COMMD9: variants seen among roughly 807,000 people sequenced by gnomAD.
COMMD9 encodes COMM domain-containing protein 9.
COMMD9 carries 22 observed loss-of-function variants against 23.4 expected under a neutral mutation model. The ratio of observed to expected loss-of-function variants is 0.94; its 90% CI spans 0.67 to 1.34. COMMD9 has a LOEUF of 1.34. Among genes scored for constraint, COMMD9 ranks in the 40% most tolerant of loss-of-function variants. COMMD9 has a pLI of 0.00. For missense variants in COMMD9, 231 were observed against 240.2 expected (o/e 0.96, Z 0.25); for synonymous variants, 99 against 97.4 (o/e 1.02, Z -0.10).
chr11:36,286,585 C>T (rs747080794), intron 1 of COMMD9, among the ~76,000 whole-genome samples: 1 of 151,646 alleles, frequency 6.6e-6, no homozygotes, highest in Non-Finnish European at 1.5e-5. Flanking sequence ...GGCCACAGAG[C>T]GAGACTCTCT....
At chr11:36,283,102 T>A (rs1335011303) in intron 1 of COMMD9, among the ~76,000 whole-genome samples, 1 of 152,198 alleles carries the variant, frequency 6.6e-6, no homozygotes, top group Admixed American at 6.5e-5. Flanking sequence ...CCCCAGCCAA[T>A]GGGATGGTAC....
intron 5 of COMMD9, 95 bp downstream of exon 5, chr11:36,276,042 T>C: frequency 1.2e-6 from 1 of 848,112 alleles, no homozygotes; most frequent in Admixed American, 2.1e-5. Context: ...TTTAAAAAAA[T>C]ATATGGGTTA....
At chr11:36,287,715 T>C (rs1336914093) in intron 1 of COMMD9, among the ~76,000 whole-genome samples, 1 of 151,996 alleles carries the variant, frequency 6.6e-6, no homozygotes, top group East Asian at 1.9e-4. Context: ...AAAAAAAAAG[T>C]ATATGCTGTA....
Position 36,274,775 on chromosome 11 carries a change from G to GA in COMMD9, c.457-4dup, listed in dbSNP as rs1457763650. ...CATAGGCTGGGATCTTCTTGGATCT[G>GA]AAACGAGAACACAGCCCAGAAAGTC... On this transcript the variant is annotated splice_region_variant and splice_polypyrimidine_tract_variant and intron_variant, in intron 5 of 5. Transcript: ENST00000263401. 1.2e-6 allele frequency: 2 copies of GA among 1,614,224 alleles called. No homozygotes were observed. Among genetic ancestry groups the GA allele is most frequent in the East Asian group, 4.5e-5 (2 of 44,896 alleles).
At chr11:36,288,827 T>C (rs1025466395) in intron 1 of COMMD9, among the ~76,000 whole-genome samples, 5 of 152,268 alleles carry the variant, frequency 3.3e-5, no homozygotes, top group African/African-American at 1.2e-4. Flanking sequence ...CATTTGAGCT[T>C]TACAAAGCCC....
At position 36,280,817 on chromosome 11, in the gene COMMD9, G is replaced by A. The variant is rs777310843; in HGVS notation, c.72C>T (p.Val24=). 5.7e-6 allele frequency: 9 copies of A among 1,591,806 alleles called. No homozygotes were observed. The highest frequency in any genetic ancestry group is 3.4e-4 in the Middle Eastern group (2 of 5,950). Residue 24 remains valine, a synonymous_variant, in exon 2 of 6, where the codon GTC becomes GTT. Transcript: ENST00000263401. ...SLLKASSKDV[V]RQLCQESFSS... ...AAAAGCTTTCTTGACACAGCTGTCT[G>A]ACAACATCTTTCGAGGAGGCCTATG...
chr11:36,286,410 A>AAAAAAAAAAAAAAAAAAAAG (rs1285648187), intron 1 of COMMD9, among the ~76,000 whole-genome samples: 2 of 104,822 alleles, frequency 1.9e-5, no homozygotes, highest in Non-Finnish European at 1.8e-5. Context: ...AAAAAAAAAA[A>AAAAAAAAAAAAAAAAAAAAG]AAAGAAAGAA....
At chr11:36,281,632 T>C (rs1389426128) in intron 1 of COMMD9, among the ~76,000 whole-genome samples, 1 of 152,180 alleles carries the variant, frequency 6.6e-6, no homozygotes, top group Non-Finnish European at 1.5e-5. Context: ...TTCCACCTGA[T>C]AGTAATGAGG....
Position 36,277,107 on chromosome 11 carries a change from C to T in COMMD9, c.334G>A (p.Glu112Lys), listed in dbSNP as rs116376270. 1,021 of 1,604,196 alleles carry T rather than the reference C, an allele frequency of 6.4e-4. 4 individuals carry two copies. The African/African-American group carries it at 0.011, about 17-fold the overall frequency. The stretch of plus-strand genomic sequence containing the variant: ...TACTCACTCTGATTTGCCTGGGCTT[C>T]GGTTCTCCAAGTAGACCTGTTTAAG... ...ILEHVSTWRTEAQANQISLPR... is the reference protein window; with the variant it reads ...ILEHVSTWRTKAQANQISLPR... Residue 112 changes from glutamate to lysine, a missense_variant, in exon 4 of 6, where the codon GAA (glutamate) becomes AAA (lysine). Glu to Lys is a moderately conservative substitution (Grantham distance 56). Transcript: ENST00000263401.
chr11:36,281,789 A>C (rs1238223667), intron 1 of COMMD9, among the ~76,000 whole-genome samples: 1 of 152,244 alleles, frequency 6.6e-6, no homozygotes, highest in Non-Finnish European at 1.5e-5. Flanking sequence ...GAAAGATCTC[A>C]AACTGAATGA....
chr11:36,282,450 G>T (rs1041218316), intron 1 of COMMD9, among the ~76,000 whole-genome samples: 1 of 151,172 alleles, frequency 6.6e-6, no homozygotes, highest in Non-Finnish European at 1.5e-5. Context: ...AATGAAAGCA[G>T]ATTTCATATC....
chr11:36,272,747 C>T lies in COMMD9; in HGVS notation c.*1885G>A, dbSNP rs1466321717. On this transcript the variant is annotated 3_prime_UTR_variant, in exon 6 of 6. Transcript: ENST00000263401. ...GCAGACGTAAGATCTCTCATCTCTA[C>T]TTCAGTTTCAACATTTTCCAAATGG... 2 of 152,238 alleles carry T rather than the reference C, an allele frequency of 1.3e-5. No individual in the cohort carries two copies. Among genetic ancestry groups the T allele is most frequent in the Non-Finnish European group, 2.9e-5 (2 of 68,046 alleles). The allele number at this position is 152,238 out of a possible 1,614,324, so 9.4% of individuals were successfully genotyped here.
chr11:36,288,095 C>T (rs1229941493), intron 1 of COMMD9, among the ~76,000 whole-genome samples: 1 of 151,994 alleles, frequency 6.6e-6, no homozygotes, highest in East Asian at 1.9e-4. Context: ...ATTGCCAGTC[C>T]CAGCTCTGTT....
intron 3 of COMMD9, among the ~76,000 whole-genome samples, chr11:36,277,380 C>A (rs2289984): frequency 0.11 from 16,956 of 152,180 alleles, 1,195 homozygotes; most frequent in East Asian, 0.2. Flanking sequence ...GTATTGTAAT[C>A]TTATTGTGCT....
At chr11:36,287,072 C>G (rs1856171829) in intron 1 of COMMD9, among the ~76,000 whole-genome samples, 6 of 148,788 alleles carry the variant, frequency 4.0e-5, no homozygotes. Flanking sequence ...CTATGTATAT[C>G]GCGTAGTATG....
At chr11:36,276,266 T>G in intron 4 of COMMD9, 26 bp from the exon 5 acceptor site, 1 of 1,518,282 alleles carries the variant, frequency 6.6e-7, no homozygotes, top group Non-Finnish European at 9.2e-7. Flanking sequence ...CTCAGCTCAA[T>G]GCTCATGCCG....
At position 36,274,178 on chromosome 11, in the gene COMMD9, A is replaced by C. The variant is rs946948597; in HGVS notation, c.*454T>G. The C allele has an allele frequency of 5.0e-5, 22 of 440,794 alleles. No homozygotes were observed. The highest frequency in any genetic ancestry group is 7.8e-5 in the Non-Finnish European group (17 of 217,542). 27.3% of individuals were successfully genotyped at this position (440,794 alleles called of 1,614,324 possible). A position where few individuals can be genotyped will look rare whatever the true frequency, so the allele number is the denominator to read the frequency against. On this transcript the variant is annotated 3_prime_UTR_variant, in exon 6 of 6. Coordinates refer to ENST00000263401, the MANE Select transcript of COMMD9 (RefSeq NM_014186.4). ...GGGCTCTGCCTGGCTTCCCTGACAG[A>C]GGAGCAGGAACTGCTGGCATCACCT...
chr11:36,276,967 G>A (rs1178923161), intron 4 of COMMD9, 122 bp downstream of exon 4: 2 of 715,808 alleles, frequency 2.8e-6, no homozygotes, highest in African/African-American at 1.8e-5. Context: ...CATACACAGA[G>A]TATGGGTTGA....
chr11:36,287,496 C>T (rs532748314), intron 1 of COMMD9, among the ~76,000 whole-genome samples: 2 of 148,490 alleles, frequency 1.3e-5, no homozygotes, highest in African/African-American at 2.5e-5. Flanking sequence ...TGTATAGTTC[C>T]GCAGAATCCT....
Sources: gnomAD v4.1 joint callset for allele counts (sites outside exome capture counted in the v4.1 genomes callset) on GRCh38, gnomAD v4.1.1 for gene constraint, MANE v1.5 for transcripts, NCBI Gene and HGNC (gene_info 2026-07-23, HGNC 2026-07-21) for gene names.